Variants in NAALADL2 observed in about 807,000 individuals in gnomAD.
NAALADL2 encodes inactive N-acetylated-alpha-linked acidic dipeptidase-like protein 2.
A neutral mutation model predicts 87.2 loss-of-function variants in NAALADL2; 76 were observed. That is an observed-to-expected ratio of 0.87 (90% CI 0.72 to 1.05). The LOEUF is 1.05. Ranked by LOEUF, NAALADL2 falls within the 50% of genes least tolerant of loss-of-function variation. NAALADL2 has a pLI of 0.00. For synonymous variants in NAALADL2, 354 were observed against 331.0 expected, an observed-to-expected ratio of 1.07 and a Z score of -0.75; for missense variants, 1,089 against 945.8, an observed-to-expected ratio of 1.15 and a Z score of -1.99.
intron 1 of NAALADL2, among the ~76,000 whole-genome samples, chr3:175,001,910 A>T (rs1347178667): frequency 6.6e-6 from 1 of 152,128 alleles, no homozygotes; most frequent in Non-Finnish European, 1.5e-5. Flanking sequence ...TGCCTACAAC[A>T]GTTTCTTTAG....
chr3:175,317,525 G>A (rs930915823), intron 4 of NAALADL2, among the ~76,000 whole-genome samples: 1 of 151,922 alleles, frequency 6.6e-6, no homozygotes, highest in Non-Finnish European at 1.5e-5. Flanking sequence ...CATCCCGCTG[G>A]TAAACTGAAC....
chr3:174,548,087 C>T (rs1325637711), intron 1 of NAALADL2, among the ~76,000 whole-genome samples: 1 of 152,134 alleles, frequency 6.6e-6, no homozygotes, highest in Non-Finnish European at 1.5e-5. Flanking sequence ...ATCTAGACAT[C>T]TAATTTTAGA....
chr3:174,876,662 AC>A lies in NAALADL2; in HGVS notation c.43+17213del, dbSNP rs1728547368. ...CGAGGTACCACCAGCAATTCCACAGACTGAGAATCTTTGTAGCTAAATGGAT... is the reference window on the plus strand; with the variant it reads ...CGAGGTACCACCAGCAATTCCACAGATGAGAATCTTTGTAGCTAAATGGAT... On this transcript the variant is annotated intron_variant, in intron 1 of 13. Transcript: ENST00000454872. 2.0e-5 allele frequency among the ~76,000 whole-genome samples: 3 copies of A among 152,060 alleles called. No homozygotes were observed. In the South Asian group the frequency reaches 6.2e-4, roughly 32 times the overall value.
intron 11 of NAALADL2, chr3:175,718,183 G>A (rs1289871949): frequency 1.2e-5 from 15 of 1,255,092 alleles, no homozygotes; most frequent in Non-Finnish European, 1.6e-5. Context: ...AGGGGAAGGG[G>A]AAGGGCCTGT....
intron 2 of NAALADL2, among the ~76,000 whole-genome samples, chr3:175,171,157 G>A (rs1446890641): frequency 6.6e-6 from 1 of 151,862 alleles, no homozygotes; most frequent in Non-Finnish European, 1.5e-5. Context: ...ATACAACTCA[G>A]GCTTATAACT....
At chr3:174,543,871 G>A (rs141276345) in intron 1 of NAALADL2, among the ~76,000 whole-genome samples, 1 of 152,024 alleles carries the variant, frequency 6.6e-6, no homozygotes, top group East Asian at 1.9e-4. Flanking sequence ...TGCCGAGCGT[G>A]GTGGCGTGCA....
chr3:174,749,980 A>G (rs1413127586), intron 3 of NAALADL2, among the ~76,000 whole-genome samples: 1 of 152,158 alleles, frequency 6.6e-6, no homozygotes, highest in Non-Finnish European at 1.5e-5. Context: ...TTATTTTCTG[A>G]ACATGGACTG....
chr3:175,007,152 A>AG (rs1164876710), intron 1 of NAALADL2, among the ~76,000 whole-genome samples: 2 of 98,326 alleles, frequency 2.0e-5, no homozygotes, highest in Non-Finnish European at 3.7e-5. Flanking sequence ...TTATAGGATA[A>AG]AAAAAAAAAA....
At chr3:175,152,912 AAAG>A (rs1731753485) in intron 2 of NAALADL2, among the ~76,000 whole-genome samples, 1 of 152,120 alleles carries the variant, frequency 6.6e-6, no homozygotes, top group African/African-American at 2.4e-5. Context: ...GTCTCAAAAA[AAAG>A]AAAAAAAAAT....
intron 3 of NAALADL2, among the ~76,000 whole-genome samples, chr3:174,782,110 G>A (rs1716060631): frequency 6.6e-6 from 1 of 152,012 alleles, no homozygotes; most frequent in Non-Finnish European, 1.5e-5. Flanking sequence ...GCTGTTTTTG[G>A]TTCACTGCTG....
In NAALADL2 at chr3:174,793,208, T is replaced by C. The variant is rs545423623; in HGVS notation, c.-9+55462T>C. The stretch of plus-strand genomic sequence containing the variant: ...ATGAGACAAACTTATTTGTATGATA[T>C]GAGATGATTTATCGTAATAATTATG... On this transcript the variant is annotated intron_variant, in intron 3 of 3. Transcript: ENST00000434257. Among the ~76,000 whole-genome samples, 3 of 152,262 alleles carry C rather than the reference T, an allele frequency of 2.0e-5. No individual in the cohort carries two copies. In the South Asian group the frequency reaches 6.2e-4, roughly 32 times the overall value.
intron 12 of NAALADL2, among the ~76,000 whole-genome samples, chr3:175,751,370 A>G (rs948954494): frequency 1.3e-5 from 2 of 152,090 alleles, no homozygotes; most frequent in Non-Finnish European, 2.9e-5. Flanking sequence ...TTGGAGGGGC[A>G]CAGGTTGAAG....
chr3:174,556,515 A>C (rs1712841600), intron 2 of NAALADL2, among the ~76,000 whole-genome samples: 1 of 152,050 alleles, frequency 6.6e-6, no homozygotes, highest in Admixed American at 6.6e-5. Context: ...GAAGAAAAGA[A>C]TGCATTCTCT....
At chr3:174,580,197 T>G (rs2108557488) in intron 2 of NAALADL2, among the ~76,000 whole-genome samples, 1 of 152,182 alleles carries the variant, frequency 6.6e-6, no homozygotes, top group East Asian at 1.9e-4. Flanking sequence ...ACATAAAACA[T>G]TTTATGAAGC....
intron 5 of NAALADL2, among the ~76,000 whole-genome samples, chr3:175,349,859 A>T (rs1763564747): frequency 6.6e-6 from 1 of 152,154 alleles, no homozygotes; most frequent in South Asian, 2.1e-4. Flanking sequence ...TCTTTCCCTC[A>T]CATTAGAGAG....
intron 1 of NAALADL2, among the ~76,000 whole-genome samples, chr3:175,052,112 G>A (rs1413458512): frequency 6.6e-6 from 1 of 152,230 alleles, no homozygotes; most frequent in Non-Finnish European, 1.5e-5. Flanking sequence ...TTAACTAGAA[G>A]TATTCCTTAT....
At chr3:175,343,666 T>TTTTG (rs1560398442) in intron 5 of NAALADL2, among the ~76,000 whole-genome samples, 1,975 of 144,154 alleles carry the variant, frequency 0.014, 114 homozygotes, top group African/African-American at 0.049. Flanking sequence ...TTTTTTTTTT[T>TTTTG]TTTTTTTTTT....
At chr3:174,699,014 G>T (rs1299734090) in intron 2 of NAALADL2, among the ~76,000 whole-genome samples, 2 of 151,978 alleles carry the variant, frequency 1.3e-5, no homozygotes, top group East Asian at 3.9e-4. Context: ...ATTCAAAGCT[G>T]AATAGTTATT....
rs908933757 is a variant in NAALADL2 at position 175,718,684 on chromosome 3, A to G, written c.1897-18622A>G. On this transcript the variant is annotated intron_variant, in intron 11 of 13. Transcript: ENST00000454872. ...TGGCTGCCATCTTGCGTTTTCTTGT[A>G]TTTTTATAGAGATGGAAGATCACTT... 8 of 1,536,512 alleles carry G rather than the reference A, an allele frequency of 5.2e-6. No homozygotes were observed. The African/African-American group carries it at 6.8e-5, about 13-fold the overall frequency.
Sources: gnomAD v4.1 joint callset for allele counts (sites outside exome capture counted in the v4.1 genomes callset) on GRCh38, gnomAD v4.1.1 for gene constraint, MANE v1.5 for transcripts, NCBI Gene and HGNC (gene_info 2026-07-23, HGNC 2026-07-21) for gene names.